The following CLDN16 variants were observed in gnomAD, a reference collection of about 807,000 sequenced individuals.
CLDN16 encodes the protein claudin-16.
In CLDN16, 13 loss-of-function variants were observed where a neutral mutation model predicts 24.6. That is an observed-to-expected ratio of 0.53 (90% CI 0.34 to 0.84). The LOEUF (loss-of-function observed/expected upper bound fraction) is 0.84. CLDN16 is among the 40% of genes least tolerant of loss of function. CLDN16 has a pLI of 0.01. For missense variants in CLDN16, 298 were observed against 292.7 expected (o/e 1.02, Z -0.13); for synonymous variants, 116 against 106.7 (o/e 1.09, Z -0.54).
chr3:190,396,371 T>C (rs1266507696), intron 1 of CLDN16, among the ~76,000 whole-genome samples: 1 of 152,202 alleles, frequency 6.6e-6, no homozygotes, highest in Non-Finnish European at 1.5e-5. Flanking sequence ...TTTAGCTGTT[T>C]TTGTTTATTT....
At chr3:190,385,368 C>T (rs2108656006), upstream of CLDN16, among the ~76,000 whole-genome samples, 1 of 152,302 alleles carries the variant, frequency 6.6e-6, no homozygotes, top group East Asian at 1.9e-4. Flanking sequence ...TATCAGTTTG[C>T]ATGACTCTCC....
At chr3:190,308,480 T>C in the CLDN16 span, 1 of 1,594,122 alleles carries the variant, frequency 6.3e-7, no homozygotes, top group Non-Finnish European at 8.6e-7. Flanking sequence ...CAGTGAATTA[T>C]TGGCAACTTT....
At chr3:190,370,071 G>C (rs1444041650) in intron 1 of CLDN16, among the ~76,000 whole-genome samples, 2 of 151,912 alleles carry the variant, frequency 1.3e-5, no homozygotes, top group Admixed American at 1.3e-4. Context: ...TAGTAGAAAG[G>C]CAAGAGCACT....
the CLDN16 span, among the ~76,000 whole-genome samples, chr3:190,309,598 TTGCACAACC>T: frequency 6.6e-6 from 1 of 152,230 alleles, no homozygotes; most frequent in African/African-American, 2.4e-5. Flanking sequence ...TCAGCTCAAC[TTGCACAACC>T]TGCAGTATTA....
At chr3:190,328,446 C>T (rs1717116079) in intron 1 of CLDN16, among the ~76,000 whole-genome samples, 1 of 152,150 alleles carries the variant, frequency 6.6e-6, no homozygotes. Flanking sequence ...ATGTGTATCT[C>T]ACAGTGTTGT....
At chr3:190,308,236 T>G in the CLDN16 span, 5 of 1,609,368 alleles carry the variant, frequency 3.1e-6, no homozygotes, top group Non-Finnish European at 4.3e-6. Context: ...AATGTCCATT[T>G]TCGGTTTGTT....
the CLDN16 span, among the ~76,000 whole-genome samples, chr3:190,309,868 A>G: frequency 6.6e-6 from 1 of 152,238 alleles, no homozygotes; most frequent in African/African-American, 2.4e-5. Context: ...GGAAATTTCA[A>G]ATATATTAAC....
the CLDN16 span, among the ~76,000 whole-genome samples, chr3:190,308,758 A>C: frequency 6.6e-6 from 1 of 152,192 alleles, no homozygotes; most frequent in Non-Finnish European, 1.5e-5. Context: ...GGTTTGGATC[A>C]TGGTTCCTAG....
At chr3:190,396,325 C>G (rs1718816555) in intron 1 of CLDN16, among the ~76,000 whole-genome samples, 2 of 152,290 alleles carry the variant, frequency 1.3e-5, no homozygotes, top group South Asian at 4.1e-4. Context: ...TCAATGTAAG[C>G]TCTTCAGTCT....
At chr3:190,348,335 ATGTGTGTGTG>A (rs57246894) in intron 1 of CLDN16, among the ~76,000 whole-genome samples, 5 of 138,370 alleles carry the variant, frequency 3.6e-5, no homozygotes, top group Admixed American at 1.5e-4. Flanking sequence ...CAAGACTGCA[ATGTGTGTGTG>A]TGTGTGTGTG....
chr3:190,399,549 A>G (rs1300256936), intron 1 of CLDN16, among the ~76,000 whole-genome samples: 1 of 152,150 alleles, frequency 6.6e-6, no homozygotes, highest in Non-Finnish European at 1.5e-5. Flanking sequence ...TGTTTAAACA[A>G]TTTTTTAGCA....
At chr3:190,334,589 T>C (rs1168690625) in intron 1 of CLDN16, among the ~76,000 whole-genome samples, 1 of 152,264 alleles carries the variant, frequency 6.6e-6, no homozygotes, top group African/African-American at 2.4e-5. Context: ...TAGTCTCTCT[T>C]GCTCTCTGGC....
At chr3:190,322,375 G>A (rs981181805), upstream of CLDN16, 17 of 666,492 alleles carry the variant, frequency 2.6e-5, no homozygotes, top group African/African-American at 3.0e-4. Context: ...CGGGGTTGGG[G>A]TCCGCGCCCG....
At chr3:190,351,341 T>G (rs1717668842) in intron 1 of CLDN16, among the ~76,000 whole-genome samples, 1 of 152,182 alleles carries the variant, frequency 6.6e-6, no homozygotes, top group African/African-American at 2.4e-5. Flanking sequence ...CTGTTTTTTT[T>G]TCCCAGCCTT....
chr3:190,333,844 C>T (rs921490508), intron 1 of CLDN16, among the ~76,000 whole-genome samples: 1 of 152,018 alleles, frequency 6.6e-6, no homozygotes, highest in African/African-American at 2.4e-5. Context: ...ACTGGAAATA[C>T]TGTGATAAAA....
intron 1 of CLDN16, among the ~76,000 whole-genome samples, chr3:190,393,248 A>C (rs1718725385): frequency 6.6e-6 from 1 of 152,216 alleles, no homozygotes; most frequent in Non-Finnish European, 1.5e-5. Context: ...AGAAACCTTC[A>C]TGGAGCAATG....
In CLDN16 at chr3:190,332,073, T is replaced by A. The variant is rs144553360; in HGVS notation, n.121+9412T>A. ...GGCTCATTCAGATAATCCAAGATAA[T>A]CACATCTCAAGATCAATTGATGAAC... On this transcript the variant is annotated intron_variant and non_coding_transcript_variant, in intron 1 of 4. Transcript: ENST00000468220. Among the ~76,000 whole-genome samples, 469 of 152,292 alleles carry A rather than the reference T, an allele frequency of 3.1e-3. 2 individuals carry two copies. Among genetic ancestry groups the A allele is most frequent in the Admixed American group, 5.2e-3 (80 of 15,294 alleles).
intron 1 of CLDN16, among the ~76,000 whole-genome samples, chr3:190,389,302 A>G (rs569965578): frequency 1.3e-5 from 2 of 152,230 alleles, no homozygotes; most frequent in Non-Finnish European, 2.9e-5. Context: ...CAAGAGCTCA[A>G]AAAAAGGAGT....
At chr3:190,393,747 CTTT>C (rs58465741) in intron 1 of CLDN16, among the ~76,000 whole-genome samples, 9 of 115,222 alleles carry the variant, frequency 7.8e-5, no homozygotes, top group South Asian at 6.0e-4. Context: ...TGTCATTTGC[CTTT>C]TTTTTTTTTT....
Sources: gnomAD v4.1 joint callset for allele counts (sites outside exome capture counted in the v4.1 genomes callset) on GRCh38, gnomAD v4.1.1 for gene constraint, MANE v1.5 for transcripts, NCBI Gene and HGNC (gene_info 2026-07-23, HGNC 2026-07-21) for gene names.